SETBP1: variants seen among roughly 807,000 people sequenced by gnomAD.
SETBP1 encodes the protein SET binding protein 1.
SETBP1 carries 9 observed loss-of-function variants against 101.0 expected under a neutral mutation model. The observed-to-expected ratio is 0.09, with a 90% CI of 0.05 to 0.16. The LOEUF is 0.16. SETBP1 is among the 10% of genes least tolerant of loss of function. The pLI is 1.00. For synonymous variants in SETBP1, 818 were observed against 788.5 expected (o/e 1.04, Z -0.63); for missense variants, 1,858 against 2,033.8 (o/e 0.91, Z 1.66).
At chr18:44,699,464 A>G (rs1314496133) in intron 1 of SETBP1, among the ~76,000 whole-genome samples, 1 of 152,228 alleles carries the variant, frequency 6.6e-6, no homozygotes, top group Non-Finnish European at 1.5e-5. Context: ...GGGCAGATAA[A>G]TCTAGATGAG....
chr18:44,718,769 G>C (rs1472141525), intron 2 of SETBP1, among the ~76,000 whole-genome samples: 1 of 152,130 alleles, frequency 6.6e-6, no homozygotes, highest in Non-Finnish European at 1.5e-5. Flanking sequence ...TTTCACAAAT[G>C]TTTGTTGCTT....
intron 2 of SETBP1, among the ~76,000 whole-genome samples, chr18:44,864,228 A>C (rs184493249): frequency 6.6e-6 from 1 of 152,278 alleles, no homozygotes; most frequent in East Asian, 1.9e-4. Context: ...AGAGGTCACA[A>C]GGGAATGCTA....
At chr18:44,955,254 A>C (rs1036026343) in intron 4 of SETBP1, among the ~76,000 whole-genome samples, 2 of 152,150 alleles carry the variant, frequency 1.3e-5, no homozygotes, top group African/African-American at 4.8e-5. Context: ...TATCGCATTC[A>C]TCACTTTATT....
At chr18:44,947,305 A>G (rs1193031004) in intron 3 of SETBP1, among the ~76,000 whole-genome samples, 1 of 152,068 alleles carries the variant, frequency 6.6e-6, no homozygotes, top group African/African-American at 2.4e-5. Flanking sequence ...GAGTAAGATA[A>G]TGGAACAGCA....
intron 2 of SETBP1, among the ~76,000 whole-genome samples, chr18:44,708,962 G>A (rs1482321649): frequency 2.0e-5 from 3 of 152,136 alleles, no homozygotes; most frequent in African/African-American, 2.4e-5. Flanking sequence ...CTTTTAGCCC[G>A]AAATGTCAAA....
intron 2 of SETBP1, among the ~76,000 whole-genome samples, chr18:44,760,875 T>G: frequency 6.6e-6 from 1 of 152,196 alleles, no homozygotes; most frequent in South Asian, 2.1e-4. Context: ...AAGGAAGGAA[T>G]CTTAAATAAG....
chr18:44,952,262 C>T lies in SETBP1; in HGVS notation c.2922C>T (p.Tyr974=), dbSNP rs1311498327. Residue 974 remains tyrosine (Y), a synonymous_variant, in exon 4 of 6, where the codon TAC becomes TAT. Transcript: ENST00000649279. ...FQVFRISHRS[Y]TFYHENPYPS... is the part of the protein sequence containing the mutation. ...TGTTCAGAATCTCCCACCGGAGTTA[C>T]ACCTTCTACCACGAGAATCCATATC... 4 of 1,614,052 alleles carry T rather than the reference C, an allele frequency of 2.5e-6. No homozygotes were observed. The highest frequency in any genetic ancestry group is 3.4e-6 in the Non-Finnish European group (4 of 1,180,032).
chr18:44,846,773 A>G (rs1038742936), intron 2 of SETBP1, among the ~76,000 whole-genome samples: 1 of 152,214 alleles, frequency 6.6e-6, no homozygotes, highest in Non-Finnish European at 1.5e-5. Flanking sequence ...GATACTTACC[A>G]ATTAGCCCTA....
intron 4 of SETBP1, among the ~76,000 whole-genome samples, chr18:44,991,574 T>A (rs2072378856): frequency 6.6e-6 from 1 of 152,150 alleles, no homozygotes; most frequent in Non-Finnish European, 1.5e-5. Context: ...AATGATAGAA[T>A]GTTCAGTTAA....
At chr18:45,046,240 AC>A (rs2145529688) in intron 5 of SETBP1, among the ~76,000 whole-genome samples, 1 of 152,340 alleles carries the variant, frequency 6.6e-6, no homozygotes, top group South Asian at 2.1e-4. Context: ...GTATTGAACA[AC>A]TGTTTCCTGC....
intron 2 of SETBP1, among the ~76,000 whole-genome samples, chr18:44,812,241 CTG>C (rs2071879365): frequency 6.6e-6 from 1 of 152,166 alleles, no homozygotes; most frequent in Admixed American, 6.5e-5. Flanking sequence ...ACATACACCC[CTG>C]CAGAGGTTAA....
chr18:44,812,644 C>G (rs1245190286), intron 2 of SETBP1, among the ~76,000 whole-genome samples: 1 of 152,088 alleles, frequency 6.6e-6, no homozygotes, highest in African/African-American at 2.4e-5. Flanking sequence ...CCTGTGGACT[C>G]CAGGAGAGTT....
chr18:45,027,793 T>TC (rs1360410041), intron 4 of SETBP1, among the ~76,000 whole-genome samples: 1 of 152,156 alleles, frequency 6.6e-6, no homozygotes, highest in African/African-American at 2.4e-5. Context: ...AAATGCATCA[T>TC]CTTTCAGTAT....
intron 3 of SETBP1, among the ~76,000 whole-genome samples, chr18:44,931,790 T>C (rs2070841185): frequency 6.6e-6 from 1 of 152,230 alleles, no homozygotes; most frequent in African/African-American, 2.4e-5. Context: ...TCCATTTGCT[T>C]GGTAGATCTT....
chr18:45,004,186 GC>G (rs2072677127), intron 4 of SETBP1, among the ~76,000 whole-genome samples: 1 of 152,180 alleles, frequency 6.6e-6, no homozygotes, highest in Admixed American at 6.5e-5. Flanking sequence ...TGTGAACATA[GC>G]CCCGGCAAAA....
chr18:44,702,424 GCT>G (rs1407358527), intron 2 of SETBP1, among the ~76,000 whole-genome samples: 5 of 152,136 alleles, frequency 3.3e-5, no homozygotes, highest in Non-Finnish European at 7.4e-5. Context: ...AAACACCTCT[GCT>G]ATAATCTTGG....
intron 2 of SETBP1, among the ~76,000 whole-genome samples, chr18:44,720,911 C>CCG (rs1467974678): frequency 2.9e-5 from 4 of 138,964 alleles, no homozygotes; most frequent in African/African-American, 1.0e-4. Context: ...ACCCCCACCC[C>CCG]CCACCCCAAC....
chr18:44,845,565 T>C (rs533206685), intron 2 of SETBP1, among the ~76,000 whole-genome samples: 2 of 152,374 alleles, frequency 1.3e-5, no homozygotes, highest in South Asian at 4.1e-4. Context: ...GGAAGACTGC[T>C]GCTGGGGGTC....
intron 4 of SETBP1, among the ~76,000 whole-genome samples, chr18:45,011,824 G>A (rs1323646576): frequency 2.6e-5 from 4 of 152,198 alleles, no homozygotes; most frequent in African/African-American, 7.2e-5. Flanking sequence ...CTCAGAAGAT[G>A]AAAGATGGAG....
Sources: allele counts gnomAD v4.1 joint callset (sites outside exome capture counted in the v4.1 genomes callset), GRCh38; gene constraint gnomAD v4.1.1; transcripts MANE v1.5; gene names NCBI Gene and HGNC (gene_info 2026-07-23, HGNC 2026-07-21).